CYSLTR2: variants seen among roughly 807,000 people sequenced by gnomAD.
The protein encoded by CYSLTR2 is G-protein coupled receptor GPCR21.
For synonymous variants in CYSLTR2, 179 were observed against 160.8 expected (o/e 1.11, Z -0.86); for missense variants, 398 against 411.9 (o/e 0.97, Z 0.29).
chr13:48,690,054 C>T (rs1953999147), intron 1 of CYSLTR2, among the ~76,000 whole-genome samples: 1 of 151,806 alleles, frequency 6.6e-6, no homozygotes, highest in Non-Finnish European at 1.5e-5. Flanking sequence ...TAGCTCTCTG[C>T]TTGTTTATTA....
rs555300573 is a variant in CYSLTR2, at chr13:48,660,029, C to T, written c.-266+6012C>T. Among the ~76,000 whole-genome samples the T allele has an allele frequency of 1.1e-3, 163 of 152,180 alleles. 1 individual carries two copies. The highest frequency in any genetic ancestry group is 8.9e-3 in the South Asian group (43 of 4,818). On this transcript the variant is annotated intron_variant, in intron 1 of 4. Transcript: ENST00000682523. ...AGCCATATCTCTAAGCAGCTCAGGG[C>T]TCTTCATATATGATGTTTTTGTTGA...
intron 1 of CYSLTR2, among the ~76,000 whole-genome samples, chr13:48,668,434 T>G (rs1055185232): frequency 2.0e-5 from 3 of 151,928 alleles, no homozygotes; most frequent in Non-Finnish European, 4.4e-5. Flanking sequence ...CATAAAGAAG[T>G]GCAAACCCAG....
At chr13:48,681,022 C>A (rs945123067) in intron 1 of CYSLTR2, among the ~76,000 whole-genome samples, 1 of 151,654 alleles carries the variant, frequency 6.6e-6, no homozygotes, top group East Asian at 1.9e-4. Context: ...ATATTTTTTT[C>A]CTTTAGCTTT....
intron 1 of CYSLTR2, among the ~76,000 whole-genome samples, chr13:48,664,384 T>G (rs574928991): frequency 6.6e-6 from 1 of 152,164 alleles, no homozygotes; most frequent in Admixed American, 6.5e-5. Context: ...CTTCAATTTT[T>G]TGGAATAGTT....
intron 3 of CYSLTR2, among the ~76,000 whole-genome samples, chr13:48,694,252 C>A (rs1012218797): frequency 2.0e-5 from 3 of 152,170 alleles, no homozygotes; most frequent in African/African-American, 7.2e-5. Flanking sequence ...GGTGACCTGA[C>A]GCAAAGTTTA....
chr13:48,684,121 G>T (rs1448292221), intron 1 of CYSLTR2, among the ~76,000 whole-genome samples: 1 of 151,852 alleles, frequency 6.6e-6, no homozygotes, highest in South Asian at 2.1e-4. Context: ...ATCGGGGGGG[G>T]TCTCACTATG....
At chr13:48,701,795 G>C (rs572247497) in intron 4 of CYSLTR2, among the ~76,000 whole-genome samples, 3 of 152,148 alleles carry the variant, frequency 2.0e-5, no homozygotes, top group African/African-American at 2.4e-5. Flanking sequence ...AAATAGGAAC[G>C]CTTTTACACT....
chr13:48,684,534 A>T (rs1953846995), intron 1 of CYSLTR2, among the ~76,000 whole-genome samples: 1 of 152,046 alleles, frequency 6.6e-6, no homozygotes, highest in Non-Finnish European at 1.5e-5. Context: ...AAGTTAGATC[A>T]TCCCTACATT....
chr13:48,684,119 G>T (rs1339408375), intron 1 of CYSLTR2, among the ~76,000 whole-genome samples: 2 of 151,590 alleles, frequency 1.3e-5, no homozygotes, highest in Admixed American at 1.3e-4. Flanking sequence ...AGATCGGGGG[G>T]GGTCTCACTA....
At chr13:48,668,925 C>T (rs1953343244) in intron 1 of CYSLTR2, among the ~76,000 whole-genome samples, 1 of 152,176 alleles carries the variant, frequency 6.6e-6, no homozygotes, top group East Asian at 1.9e-4. Context: ...TATCTCCCTG[C>T]AAAGGACATG....
rs1954613393 is a variant in CYSLTR2 at position 48,710,778 on chromosome 13, G to A, written c.*2920G>A. On this transcript the variant is annotated 3_prime_UTR_variant, in exon 5 of 5. Coordinates refer to ENST00000682523, the MANE Select transcript of CYSLTR2 (RefSeq NM_001308476.3). ...GTGGGTGGAAGACATGAACAGAAAT[G>A]TGTTCCAATTGACAGCAATCGGGTT... The A allele has an allele frequency of 6.6e-6, 1 of 152,220 alleles. No individual in the cohort carries two copies. The highest frequency in any genetic ancestry group is 1.9e-4 in the East Asian group (1 of 5,198). 9.4% of individuals were successfully genotyped at this position (152,220 alleles called of 1,614,324 possible). A position where few individuals can be genotyped will look rare whatever the true frequency, so the allele number is the denominator to read the frequency against.
intron 4 of CYSLTR2, among the ~76,000 whole-genome samples, chr13:48,697,056 C>T (rs1954209718): frequency 6.6e-6 from 1 of 152,232 alleles, no homozygotes; most frequent in Non-Finnish European, 1.5e-5. Context: ...GGAGGCCTGT[C>T]TGCCTTTGTA....
At chr13:48,666,810 A>G (rs1426439798) in intron 1 of CYSLTR2, among the ~76,000 whole-genome samples, 2 of 151,906 alleles carry the variant, frequency 1.3e-5, no homozygotes, top group East Asian at 3.9e-4. Flanking sequence ...CATTTTCCTG[A>G]TTTCATTGAA....
intron 1 of CYSLTR2, among the ~76,000 whole-genome samples, chr13:48,674,241 C>T (rs951843603): frequency 2.0e-5 from 3 of 152,124 alleles, no homozygotes; most frequent in Non-Finnish European, 2.9e-5. Flanking sequence ...CCATTCTCCC[C>T]GTCACTTTCA....
At chr13:48,671,824 A>AT (rs1338303495) in intron 1 of CYSLTR2, among the ~76,000 whole-genome samples, 120 of 151,552 alleles carry the variant, frequency 7.9e-4, no homozygotes, top group African/African-American at 2.6e-3. Context: ...TTCTTTTTCT[A>AT]TTTTTTGGAA....
At position 48,707,914 on chromosome 13, in the gene CYSLTR2, T is replaced by C. The variant is rs935507768; in HGVS notation, c.*56T>C. 5 of 1,367,858 alleles carry C rather than the reference T, an allele frequency of 3.7e-6. No individual in the cohort carries two copies. Among genetic ancestry groups the C allele is most frequent in the South Asian group, 3.4e-5 (2 of 58,704 alleles). The allele number at this position is 1,367,858 out of a possible 1,614,324, so 84.7% of individuals were successfully genotyped here. On this transcript the variant is annotated 3_prime_UTR_variant, in exon 5 of 5. Coordinates refer to ENST00000682523, the MANE Select transcript of CYSLTR2 (RefSeq NM_001308476.3). ...CCTTGTGTCCATCTTCATTCACTCATAGTCTCCAAATGACTTTGTATTTAC... is the reference window on the plus strand; with the variant it reads ...CCTTGTGTCCATCTTCATTCACTCACAGTCTCCAAATGACTTTGTATTTAC...
At position 48,693,852 on chromosome 13, in the gene CYSLTR2, T is replaced by C. The variant is rs534487078; in HGVS notation, c.-103+342T>C. 7.2e-5 allele frequency among the ~76,000 whole-genome samples: 11 copies of C among 152,348 alleles called. No homozygotes were observed. In the East Asian group the frequency reaches 2.1e-3, roughly 29 times the overall value. ...GTTAGACAAACAGAACAATCTCCTC[T>C]TGAAGGTTTCTTCACTTTTATAAAG... On this transcript the variant is annotated intron_variant, in intron 3 of 4. Coordinates refer to ENST00000682523, the MANE Select transcript of CYSLTR2 (RefSeq NM_001308476.3).
At chr13:48,664,870 T>C (rs1029795919) in intron 1 of CYSLTR2, among the ~76,000 whole-genome samples, 1 of 152,048 alleles carries the variant, frequency 6.6e-6, no homozygotes, top group African/African-American at 2.4e-5. Flanking sequence ...TAGTTTGCTC[T>C]TGCTTTTCTA....
chr13:48,657,371 G>T (rs1953023378), intron 1 of CYSLTR2, among the ~76,000 whole-genome samples: 1 of 152,152 alleles, frequency 6.6e-6, no homozygotes, highest in African/African-American at 2.4e-5. Flanking sequence ...AGGGTCCTTA[G>T]GAAGAGCTGG....
Sources: gnomAD v4.1 joint callset for allele counts (sites outside exome capture counted in the v4.1 genomes callset) on GRCh38, gnomAD v4.1.1 for gene constraint, MANE v1.5 for transcripts, NCBI Gene and HGNC (gene_info 2026-07-23, HGNC 2026-07-21) for gene names.